The following TARS1 variants were observed in gnomAD, a reference collection of about 807,000 sequenced individuals.
TARS1 encodes the protein threonyl-tRNA synthetase 1, also known as threonine--tRNA ligase 1, cytoplasmic.
TARS1 carries 57 observed loss-of-function variants against 97.7 expected under a neutral mutation model. That is an observed-to-expected ratio of 0.58 (90% CI 0.47 to 0.73). The LOEUF is 0.73. Among genes scored for constraint, TARS1 ranks in the 30% least tolerant of loss-of-function variants. The pLI is 0.00. For synonymous variants in TARS1, 312 were observed against 293.7 expected (o/e 1.06, Z -0.64); for missense variants, 806 against 888.3 (o/e 0.91, Z 1.18).
rs547884304 is a variant in TARS1 at position 33,456,079 on chromosome 5, G to A, written c.758+13G>A. The A allele has an allele frequency of 6.8e-6, 11 of 1,613,036 alleles. No individual in the cohort carries two copies. In the African/African-American group the frequency reaches 1.3e-4, roughly 20 times the overall value. On this transcript the variant is annotated intron_variant, in intron 7 of 18. Transcript: ENST00000265112. ...CCACAGTCTATAGGTAAGAATATTAGATGTCATTAAATGTATCTGGTATGT... is the reference window on the plus strand; with the variant it reads ...CCACAGTCTATAGGTAAGAATATTAAATGTCATTAAATGTATCTGGTATGT...
rs759986441 is a variant in TARS1 at position 33,462,001 on chromosome 5, T to C, written c.1725T>C (p.Tyr575=). 1.0e-4 allele frequency: 169 copies of C among 1,613,450 alleles called. 1 individual carries two copies. Among genetic ancestry groups the C allele is most frequent in the Middle Eastern group, 1.6e-4 (1 of 6,084 alleles). Residue 575 remains tyrosine, a synonymous_variant, in exon 15 of 19, where the codon TAT becomes TAC. Coordinates refer to ENST00000265112, the MANE Select transcript of TARS1 (RefSeq NM_152295.5). ...FQLPIRFNLT[Y]VSHDGDDKKR... ...TGCCCATCAGATTTAATCTTACTTA[T>C]GTAAGGTGAGTTTCTGGTGTCTGCT...
At chr5:33,447,382 G>T (rs544428900) in intron 2 of TARS1, among the ~76,000 whole-genome samples, 1 of 152,216 alleles carries the variant, frequency 6.6e-6, no homozygotes, top group African/African-American at 2.4e-5. Flanking sequence ...AAGTAGCTGG[G>T]ACTACAGGTG....
At chr5:33,456,874 C>T (rs929185024) in intron 8 of TARS1, among the ~76,000 whole-genome samples, 2 of 152,334 alleles carry the variant, frequency 1.3e-5, no homozygotes, top group African/African-American at 2.4e-5. Context: ...GAATGGAGAT[C>T]GTGCCACTGC....
intron 4 of TARS1, 74 bp from the exon 5 acceptor site, chr5:33,454,871 C>G (rs1393114208): frequency 6.4e-7 from 1 of 1,552,866 alleles, no homozygotes; most frequent in East Asian, 2.3e-5. Flanking sequence ...TCATCTGTCT[C>G]TTTCAGACAA....
intron 4 of TARS1, 127 bp downstream of exon 4, chr5:33,453,539 T>A: frequency 8.0e-7 from 1 of 1,247,178 alleles, no homozygotes; most frequent in Non-Finnish European, 1.1e-6. Context: ...ATTTGAAATC[T>A]TCATTTTGTC....
intron 4 of TARS1, 24 bp downstream of exon 4, chr5:33,453,436 T>G (rs202220873): frequency 1.2e-6 from 2 of 1,612,420 alleles, no homozygotes; most frequent in Non-Finnish European, 1.7e-6. Context: ...TAGTATTCAT[T>G]GAATTTTAGG....
chr5:33,455,186 C>A, intron 5 of TARS1, 120 bp downstream of exon 5: 2 of 1,274,868 alleles, frequency 1.6e-6, no homozygotes, highest in Non-Finnish European at 2.1e-6. Flanking sequence ...ATCAGGTATG[C>A]CCATTATCAG....
intron 1 of TARS1, among the ~76,000 whole-genome samples, chr5:33,443,555 C>T (rs529717303): frequency 5.0e-4 from 75 of 149,056 alleles, no homozygotes; most frequent in Non-Finnish European, 1.0e-3. Context: ...TGCAGTGGCG[C>T]GATCTCTGCT....
intron 16 of TARS1, among the ~76,000 whole-genome samples, chr5:33,463,007 T>C (rs1742366259): frequency 6.6e-6 from 1 of 152,224 alleles, no homozygotes; most frequent in South Asian, 2.1e-4. Flanking sequence ...TGAGACACAT[T>C]CTCTGCAAGG....
chr5:33,451,073 C>T (rs1741708590), intron 3 of TARS1, among the ~76,000 whole-genome samples: 2 of 152,112 alleles, frequency 1.3e-5, no homozygotes, highest in Admixed American at 6.5e-5. Flanking sequence ...AAGATTGAGC[C>T]ACTGCACTCC....
intron 1 of TARS1, among the ~76,000 whole-genome samples, chr5:33,445,050 C>T (rs1741345703): frequency 1.3e-5 from 2 of 151,778 alleles, no homozygotes; most frequent in Non-Finnish European, 2.9e-5. Flanking sequence ...AAACCTGAAG[C>T]GAGAGTCACA....
chr5:33,455,614 T>C lies in TARS1; in HGVS notation c.603T>C (p.Ser201=). The C allele has an allele frequency of 6.2e-7, 1 of 1,612,536 alleles. No individual in the cohort carries two copies. The highest frequency in any genetic ancestry group is 8.5e-7 in the Non-Finnish European group (1 of 1,178,928). Reference sequence around the variant, plus strand: ...GTGTGTCTAGCAATGATTTCTCTTCTCTGGAGGCTTTGTGTAAGAAAATCA... The same window carrying C: ...GTGTGTCTAGCAATGATTTCTCTTCCCTGGAGGCTTTGTGTAAGAAAATCA... The part of the protein sequence containing the change: ...EGGVSSNDFS[S]LEALCKKIIK... Residue 201 remains serine, a synonymous_variant, in exon 6 of 19, where the codon TCT becomes TCC. Coordinates refer to ENST00000265112, the MANE Select transcript of TARS1 (RefSeq NM_152295.5).
chr5:33,452,269 G>A (rs2111956143), intron 3 of TARS1: 1 of 1,198,694 alleles, frequency 8.3e-7, no homozygotes, highest in Non-Finnish European at 1.2e-6. Flanking sequence ...TGTCCAGGCT[G>A]TTATAGACTA....
In TARS1 at chr5:33,455,663, A is replaced by G. The variant is rs1488570458; in HGVS notation, c.652A>G (p.Arg218Gly). The G allele has an allele frequency of 6.2e-7, 1 of 1,612,950 alleles. No individual in the cohort carries two copies. The change falls in exon 6 of 19, where the codon AGA becomes GGA. Residue 218 changes from arginine to glycine, a missense_variant. Arg to Gly is a moderately radical substitution (Grantham distance 125). Coordinates refer to ENST00000265112, the MANE Select transcript of TARS1 (RefSeq NM_152295.5). ...KIIKEKQAFE[R>G]LEVKKETLLA... ...CATTAAAGAAAAACAAGCTTTTGAA[A>G]GACTGGAAGTTAAGAAAGAAACTTT...
In TARS1 at chr5:33,440,977, T is replaced by A. The variant is rs537546222; in HGVS notation, c.-110T>A. ...TAGGGCGCCTTTCGATTGCATCAGC[T>A]GGTCCAGCCGAGGCCAAGTCCCGGG... On this transcript the variant is annotated 5_prime_UTR_variant, in exon 1 of 19. Transcript: ENST00000265112. 1 of 1,388,358 alleles carries A rather than the reference T, an allele frequency of 7.2e-7. No individual in the cohort carries two copies. Among genetic ancestry groups the A allele is most frequent in the Non-Finnish European group, 1.0e-6 (1 of 996,630 alleles). The allele number at this position is 1,388,358 out of a possible 1,614,324, so 86.0% of individuals were successfully genotyped here. A position where few individuals can be genotyped will look rare whatever the true frequency, so the allele number is the denominator to read the frequency against.
Position 33,455,704 on chromosome 5 carries a change from G to A in TARS1, c.693G>A (p.Lys231=). 1 of 1,590,548 alleles carries A rather than the reference G, an allele frequency of 6.3e-7. No homozygotes were observed. The highest frequency in any genetic ancestry group is 8.6e-7 in the Non-Finnish European group (1 of 1,159,776). ...AAGAAACTTTACTGGCAATGTTTAA[G>A]GTAAATTGAACCATAGTGCGTGGCC... ...VKKETLLAMF[K]YNKFKCRILN... is the part of the protein sequence containing the mutation. Residue 231 remains lysine (K), a splice_region_variant and synonymous_variant, in exon 6 of 19, where the codon AAG becomes AAA. Transcript: ENST00000265112.
At position 33,458,956 on chromosome 5, in the gene TARS1, G is replaced by C. The variant is rs114771001; in HGVS notation, c.1083+292G>C. ...TCTTTGAAAAAACGGTTTTTACATT[G>C]CTTTTTTCCTTTGTAAATTATGAAA... On this transcript the variant is annotated intron_variant, in intron 10 of 18. Coordinates refer to ENST00000265112, the MANE Select transcript of TARS1 (RefSeq NM_152295.5). Among the ~76,000 whole-genome samples the C allele has an allele frequency of 5.6e-3, 854 of 152,094 alleles. 8 individuals are homozygous for C. Among genetic ancestry groups the C allele is most frequent in the African/African-American group, 0.019 (809 of 41,504 alleles).
In TARS1 at chr5:33,457,387, A is replaced by G; in HGVS notation, c.968A>G (p.His323Arg). The change falls in exon 9 of 19, where the codon CAT becomes CGT. Residue 323 changes from histidine to arginine, a missense_variant. Physicochemically the swap from His to Arg is conservative, Grantham distance 29. Transcript: ENST00000265112. The stretch of plus-strand genomic sequence containing the variant: ...CAAGAGGAAGCTAAAAACCGAGATC[A>G]TAGGAAAATTGGCAGGGTATGTTCA... Reference protein sequence around the residue: ...KFQEEAKNRDHRKIGRDQELY... With the variant: ...KFQEEAKNRDRRKIGRDQELY... The G allele has an allele frequency of 1.2e-6, 2 of 1,614,060 alleles. No homozygotes were observed. The highest frequency in any genetic ancestry group is 2.2e-5 in the East Asian group (1 of 44,866).
chr5:33,455,727 GC>G (rs754197109), intron 6 of TARS1, 23 bp downstream of exon 6: 2 of 1,476,474 alleles, frequency 1.4e-6, no homozygotes, highest in East Asian at 2.3e-5. Context: ...ATAGTGCGTG[GC>G]CCCCACTGTT....
Sources: gnomAD v4.1 joint callset for allele counts (sites outside exome capture counted in the v4.1 genomes callset) on GRCh38, gnomAD v4.1.1 for gene constraint, MANE v1.5 for transcripts, NCBI Gene and HGNC (gene_info 2026-07-23, HGNC 2026-07-21) for gene names.